Variants in UBE2N observed in about 807,000 individuals in gnomAD.
The protein encoded by UBE2N is ubiquitin-conjugating enzyme E2 N.
For missense variants in UBE2N, 60 were observed against 192.1 expected (o/e 0.31, Z 4.07); for synonymous variants, 70 against 69.2 (o/e 1.01, Z -0.06).
intron 1 of UBE2N, among the ~76,000 whole-genome samples, chr12:93,424,041 C>T (rs1194670412): frequency 6.6e-6 from 1 of 152,134 alleles, no homozygotes; most frequent in Non-Finnish European, 1.5e-5. Context: ...ATCCAATTAA[C>T]ATTCTAGAAT....
At chr12:93,418,135 G>A (rs1477193398) in intron 1 of UBE2N, among the ~76,000 whole-genome samples, 3 of 148,992 alleles carry the variant, frequency 2.0e-5, no homozygotes. Context: ...GGCCCAATAA[G>A]TGAGCATTTA....
intron 1 of UBE2N, among the ~76,000 whole-genome samples, chr12:93,431,728 C>G (rs774881627): frequency 5.3e-5 from 8 of 152,174 alleles, no homozygotes; most frequent in Non-Finnish European, 1.0e-4. Context: ...CCTAACAATT[C>G]TTGATGCCAA....
intron 1 of UBE2N, among the ~76,000 whole-genome samples, chr12:93,416,534 G>A (rs1395332435): frequency 1.3e-5 from 2 of 150,622 alleles, no homozygotes; most frequent in East Asian, 3.9e-4. Flanking sequence ...TGCAACCTCT[G>A]CCTCCTGGGT....
At chr12:93,431,880 A>G (rs1273549820) in intron 1 of UBE2N, among the ~76,000 whole-genome samples, 1 of 152,150 alleles carries the variant, frequency 6.6e-6, no homozygotes, top group African/African-American at 2.4e-5. Flanking sequence ...CCATGTGCCA[A>G]AAACTCACTC....
At chr12:93,415,361 G>A (rs1878173428) in intron 1 of UBE2N, among the ~76,000 whole-genome samples, 1 of 152,152 alleles carries the variant, frequency 6.6e-6, no homozygotes, top group Non-Finnish European at 1.5e-5. Context: ...TCCCCAAAAT[G>A]TGTTAATTAA....
intron 1 of UBE2N, among the ~76,000 whole-genome samples, chr12:93,415,323 C>T (rs971925547): frequency 4.6e-5 from 7 of 152,242 alleles, no homozygotes; most frequent in Admixed American, 2.6e-4. Flanking sequence ...CTGAAATAGT[C>T]ATAAGATGTA....
intron 1 of UBE2N, among the ~76,000 whole-genome samples, chr12:93,411,811 G>A (rs1592739374): frequency 2.0e-5 from 3 of 151,872 alleles, no homozygotes; most frequent in Admixed American, 1.3e-4. Context: ...CTCCCAACTC[G>A]GCCTCCTGAG....
rs191540308 is a variant in UBE2N, at chr12:93,411,024, T to C, written c.277+29A>G. ...AGAGAAAAAGGAGAAAGCTTAATAATAGCATATGCTGATAAAGATAACACT... is the reference window on the plus strand; with the variant it reads ...AGAGAAAAAGGAGAAAGCTTAATAACAGCATATGCTGATAAAGATAACACT... On this transcript the variant is annotated intron_variant, in intron 2 of 3. Coordinates refer to ENST00000318066, the MANE Select transcript of UBE2N (RefSeq NM_003348.4). The C allele has an allele frequency of 3.6e-5, 58 of 1,613,970 alleles. No individual in the cohort carries two copies. The African/African-American group carries it at 6.3e-4, about 17-fold the overall frequency.
chr12:93,427,677 GTAC>G (rs1323638718), intron 1 of UBE2N, among the ~76,000 whole-genome samples: 1 of 152,118 alleles, frequency 6.6e-6, no homozygotes, highest in Non-Finnish European at 1.5e-5. Flanking sequence ...TGATGATGTT[GTAC>G]TACTTTGTGA....
intron 1 of UBE2N, among the ~76,000 whole-genome samples, chr12:93,415,500 T>TA (rs1302121944): frequency 4.6e-5 from 7 of 152,182 alleles, no homozygotes; most frequent in East Asian, 1.9e-4. Context: ...TTTAGAGTAT[T>TA]AAAAAGCTCA....
chr12:93,418,111 G>T (rs73366057), intron 1 of UBE2N, among the ~76,000 whole-genome samples: 6,300 of 151,976 alleles, frequency 0.041, 445 homozygotes, highest in African/African-American at 0.14. Flanking sequence ...TGACAGACGT[G>T]AGCCACCACA....
At position 93,405,905 on chromosome 12, in the gene UBE2N, T is replaced by C. The variant is rs1181953319; in HGVS notation, c.*4134A>G. ...ATAAAGCAATAAATTAGGTACCCTATTATCATGGTATTTTCTTTTTTGGCC... is the reference window on the plus strand; with the variant it reads ...ATAAAGCAATAAATTAGGTACCCTACTATCATGGTATTTTCTTTTTTGGCC... On this transcript the variant is annotated 3_prime_UTR_variant, in exon 4 of 4. Coordinates refer to ENST00000318066, the MANE Select transcript of UBE2N (RefSeq NM_003348.4). 6.6e-6 allele frequency: 1 copy of C among 152,154 alleles called. No individual in the cohort carries two copies. The highest frequency in any genetic ancestry group is 2.4e-5 in the African/African-American group (1 of 41,444). The allele number at this position is 152,154 out of a possible 1,614,324, so 9.4% of individuals were successfully genotyped here.
chr12:93,437,225 C>T (rs1396673567), intron 1 of UBE2N, among the ~76,000 whole-genome samples: 1 of 151,854 alleles, frequency 6.6e-6, no homozygotes, highest in Non-Finnish European at 1.5e-5. Context: ...TGTCTGTAAT[C>T]CCAGATACTG....
rs1361546883 is a variant in UBE2N, at chr12:93,407,932, T to C, written c.*2107A>G. 2 of 152,190 alleles carry C rather than the reference T, an allele frequency of 1.3e-5. No homozygotes were observed. The highest frequency in any genetic ancestry group is 3.8e-4 in the East Asian group (2 of 5,196). 9.4% of individuals were successfully genotyped at this position (152,190 alleles called of 1,614,324 possible). A position where few individuals can be genotyped will look rare whatever the true frequency, so the allele number is the denominator to read the frequency against. On this transcript the variant is annotated 3_prime_UTR_variant, in exon 4 of 4. Transcript: ENST00000318066. ...AAAACTGCAAAGGAAAAAAATATGA[T>C]ACCATGAAATTAGAAATTCACTGCA... is the stretch of plus-strand genomic sequence containing the variant.
chr12:93,427,996 G>A (rs375388560), intron 1 of UBE2N, among the ~76,000 whole-genome samples: 7 of 152,042 alleles, frequency 4.6e-5, no homozygotes, highest in African/African-American at 1.7e-4. Flanking sequence ...GCTCACTGCC[G>A]CCTCAACCTC....
At chr12:93,421,102 A>T (rs1407937966) in intron 1 of UBE2N, among the ~76,000 whole-genome samples, 1 of 152,154 alleles carries the variant, frequency 6.6e-6, no homozygotes, top group Admixed American at 6.5e-5. Context: ...AGAGTAATCG[A>T]CCAAAGCTAG....
chr12:93,418,962 T>A (rs1200194789), intron 1 of UBE2N, among the ~76,000 whole-genome samples: 1 of 152,134 alleles, frequency 6.6e-6, no homozygotes, highest in African/African-American at 2.4e-5. Flanking sequence ...CCCAAATTAG[T>A]CTGGAGAGTG....
intron 1 of UBE2N, among the ~76,000 whole-genome samples, chr12:93,432,110 T>C (rs1878788797): frequency 6.6e-6 from 1 of 152,130 alleles, no homozygotes; most frequent in South Asian, 2.1e-4. Flanking sequence ...CGTGCACCTG[T>C]AATCCCAGCT....
intron 1 of UBE2N, among the ~76,000 whole-genome samples, chr12:93,428,078 C>T (rs1018293404): frequency 6.6e-6 from 1 of 152,116 alleles, no homozygotes; most frequent in African/African-American, 2.4e-5. Context: ...GCCACCACAC[C>T]TGGCTAATTT....
Sources: gnomAD v4.1 joint callset for allele counts (sites outside exome capture counted in the v4.1 genomes callset) on GRCh38, gnomAD v4.1.1 for gene constraint, MANE v1.5 for transcripts, NCBI Gene and HGNC (gene_info 2026-07-23, HGNC 2026-07-21) for gene names.